The following TMEM132D variants were observed in gnomAD, a reference collection of about 807,000 sequenced individuals.
The protein encoded by TMEM132D is mature OL transmembrane protein.
A neutral mutation model predicts 62.3 loss-of-function variants in TMEM132D; 21 were observed. That is an observed-to-expected ratio of 0.34 (90% CI 0.24 to 0.49). The LOEUF (loss-of-function observed/expected upper bound fraction) is 0.49, where lower values mean the gene tolerates loss of function less well. Among genes scored for constraint, TMEM132D ranks in the 20% least tolerant of loss-of-function variants. The pLI is 0.99. For missense variants in TMEM132D, 1,346 were observed against 1,402.8 expected, an observed-to-expected ratio of 0.96 and a Z score of 0.65; for synonymous variants, 621 against 575.6, an observed-to-expected ratio of 1.08 and a Z score of -1.13.
intron 2 of TMEM132D, among the ~76,000 whole-genome samples, chr12:129,543,411 C>T (rs1006053479): frequency 4.8e-4 from 54 of 113,660 alleles, no homozygotes; most frequent in Middle Eastern, 4.2e-3. Context: ...GATGGATAGA[C>T]AGATAGATAG....
intron 2 of TMEM132D, among the ~76,000 whole-genome samples, chr12:129,694,145 G>GGCAA (rs1299850853): frequency 5.9e-5 from 9 of 152,154 alleles, no homozygotes; most frequent in Non-Finnish European, 1.3e-4. Flanking sequence ...AAACTAAAAA[G>GGCAA]GCAAGAACTG....
chr12:129,220,905 G>T (rs1033491802), intron 4 of TMEM132D, among the ~76,000 whole-genome samples: 1 of 136,606 alleles, frequency 7.3e-6, no homozygotes, highest in Non-Finnish European at 1.6e-5. Flanking sequence ...AAAAAAAAAA[G>T]CCCAACAACC....
At chr12:129,441,983 A>G (rs561029357) in intron 3 of TMEM132D, among the ~76,000 whole-genome samples, 1 of 152,316 alleles carries the variant, frequency 6.6e-6, no homozygotes, top group South Asian at 2.1e-4. Context: ...GGCTACTAGA[A>G]GCAAGAGATA....
intron 3 of TMEM132D, among the ~76,000 whole-genome samples, chr12:129,379,409 T>C (rs1242401076): frequency 2.6e-5 from 4 of 152,210 alleles, no homozygotes; most frequent in East Asian, 1.9e-4. Context: ...GCAAGACATC[T>C]GGACTGATAA....
intron 3 of TMEM132D, among the ~76,000 whole-genome samples, chr12:129,501,682 T>C (rs961739882): frequency 4.6e-5 from 7 of 151,964 alleles, no homozygotes; most frequent in African/African-American, 1.7e-4. Context: ...CTTTTGTAAT[T>C]TTTTGTAGAG....
chr12:129,626,786 T>C (rs558134175), intron 2 of TMEM132D, among the ~76,000 whole-genome samples: 9 of 152,278 alleles, frequency 5.9e-5, no homozygotes, highest in Non-Finnish European at 1.2e-4. Flanking sequence ...AATTGTTAAA[T>C]TGGCTAATGT....
In TMEM132D at chr12:129,587,627, C is replaced by A. The variant is rs186625564; in HGVS notation, c.969-56422G>T. Among the ~76,000 whole-genome samples the A allele has an allele frequency of 5.3e-5, 8 of 152,258 alleles. No individual in the cohort carries two copies. In the South Asian group the frequency reaches 1.0e-3, roughly 20 times the overall value. The stretch of plus-strand genomic sequence containing the variant: ...GAACGGTTTGTACTTATGCAGATGC[C>A]TAGCTTTCTCCTGAGTCACATTTCC... On this transcript the variant is annotated intron_variant, in intron 2 of 8. Coordinates refer to ENST00000422113, the MANE Select transcript of TMEM132D (RefSeq NM_133448.3).
At chr12:129,397,440 C>T (rs543404904) in intron 3 of TMEM132D, among the ~76,000 whole-genome samples, 12 of 152,162 alleles carry the variant, frequency 7.9e-5, no homozygotes, top group East Asian at 3.9e-4. Context: ...AACTTTCTGA[C>T]GAACACCGTA....
chr12:129,761,865 T>C lies in TMEM132D; in HGVS notation c.80-61167A>G, dbSNP rs79248578. Among the ~76,000 whole-genome samples the C allele has an allele frequency of 4.6e-4, 70 of 152,270 alleles. No individual in the cohort carries two copies. In the East Asian group the frequency reaches 0.012, roughly 27 times the overall value. On this transcript the variant is annotated intron_variant, in intron 1 of 8. Transcript: ENST00000422113. The stretch of plus-strand genomic sequence containing the variant: ...GATCTCAGCCAAGTCACCAGATTGT[T>C]TAATTCTCCTGACCAGCAGCAACTG...
chr12:129,442,333 A>G (rs573057151), intron 3 of TMEM132D, among the ~76,000 whole-genome samples: 3 of 152,220 alleles, frequency 2.0e-5, no homozygotes, highest in Non-Finnish European at 4.4e-5. Context: ...ACATCTACCC[A>G]GGTAATTAGT....
At chr12:129,716,195 G>A (rs1440172615) in intron 1 of TMEM132D, among the ~76,000 whole-genome samples, 1 of 152,204 alleles carries the variant, frequency 6.6e-6, no homozygotes, top group Non-Finnish European at 1.5e-5. Context: ...TGTGGTTTGA[G>A]TGCAATTTTA....
At chr12:129,817,965 G>T (rs1872409761) in intron 1 of TMEM132D, among the ~76,000 whole-genome samples, 1 of 148,114 alleles carries the variant, frequency 6.8e-6, no homozygotes, top group African/African-American at 2.5e-5. Context: ...AGGTGTATGT[G>T]TGTATATGTG....
chr12:129,097,828 C>T (rs1261244238), intron 5 of TMEM132D, among the ~76,000 whole-genome samples: 4 of 152,230 alleles, frequency 2.6e-5, no homozygotes, highest in Non-Finnish European at 5.9e-5. Flanking sequence ...GTCAAAAACA[C>T]ATATTTTTGG....
chr12:129,853,992 A>G (rs1285042921), intron 1 of TMEM132D, among the ~76,000 whole-genome samples: 1 of 152,148 alleles, frequency 6.6e-6, no homozygotes, highest in Non-Finnish European at 1.5e-5. Context: ...AAGCAATGCA[A>G]TAACGCAAAG....
At chr12:129,727,013 TG>T (rs1869059334) in intron 1 of TMEM132D, among the ~76,000 whole-genome samples, 1 of 152,204 alleles carries the variant, frequency 6.6e-6, no homozygotes, top group Non-Finnish European at 1.5e-5. Flanking sequence ...GCTATGGGCA[TG>T]GTCCAAACAC....
At chr12:129,366,905 T>C (rs1480131907) in intron 3 of TMEM132D, among the ~76,000 whole-genome samples, 4 of 152,142 alleles carry the variant, frequency 2.6e-5, no homozygotes, top group Non-Finnish European at 5.9e-5. Context: ...TTTGGGGATT[T>C]AGGGTGGAAT....
At chr12:129,777,493 A>G (rs1870979481) in intron 1 of TMEM132D, among the ~76,000 whole-genome samples, 1 of 152,192 alleles carries the variant, frequency 6.6e-6, no homozygotes, top group African/African-American at 2.4e-5. Context: ...CACCCAGCCT[A>G]CTTCATCCTG....
chr12:129,630,314 GAGAA>G (rs1487232747), intron 2 of TMEM132D, among the ~76,000 whole-genome samples: 1 of 152,178 alleles, frequency 6.6e-6, no homozygotes, highest in Non-Finnish European at 1.5e-5. Flanking sequence ...TGGACATGAA[GAGAA>G]AGAAAGAAGA....
intron 2 of TMEM132D, among the ~76,000 whole-genome samples, chr12:129,677,630 G>A (rs541847615): frequency 1.8e-4 from 28 of 152,174 alleles, no homozygotes; most frequent in South Asian, 6.2e-4. Context: ...ACACACATAC[G>A]TATATACGTA....
Sources: gnomAD v4.1 joint callset for allele counts (sites outside exome capture counted in the v4.1 genomes callset) on GRCh38, gnomAD v4.1.1 for gene constraint, MANE v1.5 for transcripts, NCBI Gene and HGNC (gene_info 2026-07-23, HGNC 2026-07-21) for gene names.